The following KATNBL1 variants were observed in gnomAD, a reference collection of about 807,000 sequenced individuals.
KATNBL1 encodes katanin regulatory subunit B1 like 1, also known as KATNB1-like protein 1.
A neutral mutation model predicts 44.7 loss-of-function variants in KATNBL1; 28 were observed. The ratio of observed to expected loss-of-function variants is 0.63; its 90% confidence interval spans 0.46 to 0.86. The LOEUF is 0.86. Among genes scored for constraint, KATNBL1 ranks in the 40% least tolerant of loss-of-function variants. KATNBL1 has a pLI of 0.00. For missense variants in KATNBL1, 272 were observed against 350.7 expected (o/e 0.78, Z 1.79); for synonymous variants, 78 against 114.9 (o/e 0.68, Z 2.06).
chr15:34,176,842 T>G (rs1889347127), intron 1 of KATNBL1, among the ~76,000 whole-genome samples: 1 of 152,238 alleles, frequency 6.6e-6, no homozygotes, highest in African/African-American at 2.4e-5. Flanking sequence ...ATGTCTCATA[T>G]ATTTGACAGC....
chr15:34,179,705 T>C (rs551112077), intron 1 of KATNBL1, among the ~76,000 whole-genome samples: 42 of 152,284 alleles, frequency 2.8e-4, no homozygotes, highest in Non-Finnish European at 4.1e-4. Flanking sequence ...AAAAGAGATA[T>C]AGGTAAGATC....
chr15:34,208,236 C>A (rs1303707155), intron 1 of KATNBL1, among the ~76,000 whole-genome samples: 1 of 152,264 alleles, frequency 6.6e-6, no homozygotes, highest in South Asian at 2.1e-4. Flanking sequence ...AGTCTTCTAT[C>A]CTTCATCCCC....
At chr15:34,175,278 T>C (rs759474780) in intron 1 of KATNBL1, among the ~76,000 whole-genome samples, 12 of 152,126 alleles carry the variant, frequency 7.9e-5, no homozygotes, top group Non-Finnish European at 1.5e-4. Flanking sequence ...GTCCATTATA[T>C]ACTTACTGGT....
intron 9 of KATNBL1, chr15:34,145,153 T>C (rs1888269323): frequency 1.3e-5 from 17 of 1,288,440 alleles, no homozygotes; most frequent in Middle Eastern, 2.1e-4. Flanking sequence ...AAACCCTCTG[T>C]AAATATCCTC....
At chr15:34,203,267 C>T (rs1890215154) in intron 1 of KATNBL1, among the ~76,000 whole-genome samples, 1 of 152,122 alleles carries the variant, frequency 6.6e-6, no homozygotes, top group Non-Finnish European at 1.5e-5. Context: ...TAATAACCTA[C>T]ATCCAATTTG....
intron 1 of KATNBL1, among the ~76,000 whole-genome samples, chr15:34,164,447 C>A (rs1277578314): frequency 6.6e-6 from 1 of 151,956 alleles, no homozygotes; most frequent in Non-Finnish European, 1.5e-5. Flanking sequence ...ATACAACTGA[C>A]TTGTCCTATG....
At position 34,153,070 on chromosome 15, in the gene KATNBL1, C is replaced by T; in HGVS notation, c.159-1G>A. ...GCTTTTCACAGTTTGTCCAACTGTT[C>T]TGTAAAAAGAATTTATTTTCTTAAA... On this transcript the variant is annotated splice_acceptor_variant, in intron 3 of 9. Transcript: ENST00000256544. LOFTEE classifies it high-confidence loss of function. 1 of 1,573,578 alleles carries T rather than the reference C, an allele frequency of 6.4e-7. No homozygotes were observed. Among genetic ancestry groups the T allele is most frequent in the Non-Finnish European group, 8.6e-7 (1 of 1,162,584 alleles).
chr15:34,154,584 T>C (rs1361277283), intron 3 of KATNBL1, 60 bp downstream of exon 3: 1 of 1,049,250 alleles, frequency 9.5e-7, no homozygotes, highest in South Asian at 1.3e-5. Flanking sequence ...TTTCCCTTAT[T>C]GTCATCCTTA....
intron 1 of KATNBL1, among the ~76,000 whole-genome samples, chr15:34,207,263 C>T (rs1368049493): frequency 1.3e-5 from 2 of 152,112 alleles, no homozygotes; most frequent in African/African-American, 4.8e-5. Flanking sequence ...GGCTGGAAGG[C>T]AGTGGTGCGA....
chr15:34,165,636 A>C (rs1373434850), intron 1 of KATNBL1, among the ~76,000 whole-genome samples: 1 of 152,048 alleles, frequency 6.6e-6, no homozygotes, highest in Non-Finnish European at 1.5e-5. Context: ...GTCTCTACAA[A>C]AATACAAACA....
intron 1 of KATNBL1, among the ~76,000 whole-genome samples, chr15:34,204,203 A>AAGG (rs1890238030): frequency 6.6e-6 from 1 of 152,036 alleles, no homozygotes; most frequent in Admixed American, 6.5e-5. Flanking sequence ...GAGGAAAAAT[A>AAGG]AACCTCTGAA....
chr15:34,198,075 A>G (rs930600142), intron 1 of KATNBL1, among the ~76,000 whole-genome samples: 7 of 152,182 alleles, frequency 4.6e-5, no homozygotes, highest in African/African-American at 1.4e-4. Flanking sequence ...TCTTGACACA[A>G]AAAGAGGACG....
intron 4 of KATNBL1, among the ~76,000 whole-genome samples, chr15:34,151,435 A>ATTTTTTTTTTTTTT (rs1491367010): frequency 1.6e-5 from 1 of 63,828 alleles, no homozygotes; most frequent in Non-Finnish European, 3.2e-5. Context: ...TCCTTTGCCT[A>ATTTTTTTTTTTTTT]CTTTTTTTTT....
chr15:34,145,260 A>C, intron 9 of KATNBL1, 138 bp downstream of exon 9: 1 of 1,422,610 alleles, frequency 7.0e-7, no homozygotes, highest in East Asian at 3.3e-5. Context: ...GACCTGAAGC[A>C]TTTGAAAATA....
intron 1 of KATNBL1, among the ~76,000 whole-genome samples, chr15:34,197,372 T>C (rs1365146109): frequency 1.3e-5 from 2 of 152,204 alleles, no homozygotes; most frequent in Non-Finnish European, 2.9e-5. Context: ...AGTTACCTAA[T>C]CTCCTATTTT....
At chr15:34,145,621 G>A in intron 8 of KATNBL1, 130 bp from the exon 9 acceptor site, 1 of 816,958 alleles carries the variant, frequency 1.2e-6, no homozygotes. Context: ...GATGCTATTT[G>A]AAATAAAACA....
intron 1 of KATNBL1, chr15:34,209,676 G>A (rs1890380808): frequency 6.6e-6 from 1 of 152,192 alleles, no homozygotes; most frequent in African/African-American, 2.4e-5. Context: ...ATAAATAAGT[G>A]ACAACAGGTT....
At chr15:34,159,841 T>C (rs1423971887) in intron 2 of KATNBL1, among the ~76,000 whole-genome samples, 1 of 152,212 alleles carries the variant, frequency 6.6e-6, no homozygotes, top group Admixed American at 6.5e-5. Flanking sequence ...ATTTCACTTG[T>C]GTCTCCTCTA....
chr15:34,158,866 G>C (rs1408199460), intron 2 of KATNBL1, among the ~76,000 whole-genome samples: 1 of 152,070 alleles, frequency 6.6e-6, no homozygotes, highest in Non-Finnish European at 1.5e-5. Flanking sequence ...ATAAATAAGT[G>C]CTGCCCCATT....
Sources: gnomAD v4.1 joint callset for allele counts (sites outside exome capture counted in the v4.1 genomes callset) on GRCh38, gnomAD v4.1.1 for gene constraint, MANE v1.5 for transcripts, NCBI Gene and HGNC (gene_info 2026-07-23, HGNC 2026-07-21) for gene names.